Variants in CHODL observed in about 807,000 individuals in gnomAD.
CHODL encodes transmembrane protein MT75.
CHODL carries 29 observed loss-of-function variants against 34.5 expected under a neutral mutation model. The observed-to-expected ratio is 0.84, with a 90% confidence interval of 0.63 to 1.15. The LOEUF (loss-of-function observed/expected upper bound fraction) is 1.15, where lower values mean the gene tolerates loss of function less well. Ranked by LOEUF, CHODL falls within the 50% of genes most tolerant of loss-of-function variation. The pLI is 0.00. For synonymous variants in CHODL, 125 were observed against 116.1 expected (o/e 1.08, Z -0.49); for missense variants, 332 against 332.5 (o/e 1.00, Z 0.01).
chr21:18,232,328 A>C (rs1297336771), intron 2 of CHODL, among the ~76,000 whole-genome samples: 1 of 152,106 alleles, frequency 6.6e-6, no homozygotes, highest in Non-Finnish European at 1.5e-5. Flanking sequence ...AAAATATCAT[A>C]ACCTGGGTCA....
At chr21:18,253,738 G>T (rs1052590137) in intron 1 of CHODL, among the ~76,000 whole-genome samples, 3 of 152,088 alleles carry the variant, frequency 2.0e-5, no homozygotes, top group African/African-American at 7.2e-5. Flanking sequence ...TTTTCAGGCT[G>T]ATTTGTCCTC....
intron 2 of CHODL, among the ~76,000 whole-genome samples, chr21:18,110,229 A>G (rs1004212078): frequency 1.3e-5 from 2 of 152,156 alleles, no homozygotes. Flanking sequence ...GCCTCATATC[A>G]TGTGTTTTTA....
At position 18,106,860 on chromosome 21, in the gene CHODL, G is replaced by A. The variant is rs183072547; in HGVS notation, c.-45+78889G>A. On this transcript the variant is annotated intron_variant, in intron 2 of 6. Coordinates refer to the CHODL transcript ENST00000400127. Reference sequence around the variant, plus strand: ...CACTAGGAGTTAGAACACCAAAGGAGTCTTGGTTTATCTGCCATATACCAG... The same window carrying A: ...CACTAGGAGTTAGAACACCAAAGGAATCTTGGTTTATCTGCCATATACCAG... 1.5e-3 allele frequency among the ~76,000 whole-genome samples: 236 copies of A among 152,274 alleles called. 1 individual carries two copies. The highest frequency in any genetic ancestry group is 5.6e-3 in the African/African-American group (232 of 41,566).
intron 2 of CHODL, among the ~76,000 whole-genome samples, chr21:18,068,171 G>A (rs866214583): frequency 2.0e-5 from 3 of 151,678 alleles, no homozygotes; most frequent in Middle Eastern, 6.8e-3. Context: ...TTCTATTCAA[G>A]AGCAAACTTC....
intron 1 of CHODL, among the ~76,000 whole-genome samples, chr21:18,016,547 T>C (rs1371243077): frequency 6.6e-6 from 1 of 151,744 alleles, no homozygotes; most frequent in African/African-American, 2.4e-5. Flanking sequence ...AGGACACTGC[T>C]ACCTGCAGGG....
chr21:18,173,803 A>G lies in CHODL; in HGVS notation c.-44-82706A>G, dbSNP rs140155355. On this transcript the variant is annotated intron_variant, in intron 2 of 6. Transcript: ENST00000400127. ...GGGTTATTTTCTCAGAGTGTTTTAT[A>G]TGAGGAGCAATGTTGAGCTTCACAG... Among the ~76,000 whole-genome samples, 19 of 152,006 alleles carry G rather than the reference A, an allele frequency of 1.2e-4. No homozygotes were observed. In the East Asian group the frequency reaches 3.3e-3, roughly 26 times the overall value.
chr21:18,182,593 T>G (rs1209144300), intron 2 of CHODL, among the ~76,000 whole-genome samples: 1 of 152,216 alleles, frequency 6.6e-6, no homozygotes, highest in African/African-American at 2.4e-5. Context: ...CTTTGCTTTT[T>G]ATGATTTTAT....
chr21:18,226,528 A>C (rs1328708356), intron 2 of CHODL, among the ~76,000 whole-genome samples: 1 of 151,956 alleles, frequency 6.6e-6, no homozygotes, highest in Non-Finnish European at 1.5e-5. Flanking sequence ...TGAACTTGTG[A>C]CCTCAATTGG....
intron 2 of CHODL, among the ~76,000 whole-genome samples, chr21:18,112,533 A>C (rs1208170068): frequency 1.3e-5 from 2 of 152,196 alleles, no homozygotes; most frequent in African/African-American, 4.8e-5. Flanking sequence ...AGCTATAGTA[A>C]CCAAAACAGC....
intron 2 of CHODL, among the ~76,000 whole-genome samples, chr21:18,038,392 A>G (rs1025197730): frequency 6.6e-6 from 1 of 151,752 alleles, no homozygotes; most frequent in Non-Finnish European, 1.5e-5. Flanking sequence ...GAGAAGTGGT[A>G]ATTATGAAAG....
chr21:18,173,613 T>TATTGATTACACAA (rs2073257561), intron 2 of CHODL, among the ~76,000 whole-genome samples: 2 of 152,172 alleles, frequency 1.3e-5, no homozygotes, highest in Non-Finnish European at 1.5e-5. Context: ...GGGGATTTGC[T>TATTGATTACACAA]ATTGATTACA....
chr21:18,174,161 A>ATATATATATATCTTGGTATATAT (rs2073276201), intron 2 of CHODL, among the ~76,000 whole-genome samples: 5 of 85,660 alleles, frequency 5.8e-5, no homozygotes, highest in Admixed American at 1.2e-4. Flanking sequence ...ATATATATAT[A>ATATATATATATCTTGGTATATAT]AAATCAAGTC....
chr21:18,231,334 A>G (rs2073976807), intron 2 of CHODL, among the ~76,000 whole-genome samples: 1 of 152,144 alleles, frequency 6.6e-6, no homozygotes, highest in Non-Finnish European at 1.5e-5. Flanking sequence ...TTTATTTTAT[A>G]ACCTATTCAG....
At chr21:18,130,555 C>A (rs2072642623) in intron 2 of CHODL, among the ~76,000 whole-genome samples, 1 of 151,924 alleles carries the variant, frequency 6.6e-6, no homozygotes, top group Non-Finnish European at 1.5e-5. Flanking sequence ...ACAGTGCACC[C>A]TTAAATGACA....
chr21:18,127,828 C>T (rs1485177664), intron 2 of CHODL, among the ~76,000 whole-genome samples: 1 of 151,784 alleles, frequency 6.6e-6, no homozygotes, highest in Non-Finnish European at 1.5e-5. Context: ...GCCTGGCTCT[C>T]ATCTATCTTG....
At chr21:17,932,128 A>G (rs1336191667) in intron 1 of CHODL, among the ~76,000 whole-genome samples, 1 of 152,174 alleles carries the variant, frequency 6.6e-6, no homozygotes, top group Non-Finnish European at 1.5e-5. Flanking sequence ...ACAAACAACC[A>G]TATTAAAAAG....
intron 2 of CHODL, among the ~76,000 whole-genome samples, chr21:18,049,270 G>T (rs1174927956): frequency 6.6e-6 from 1 of 151,938 alleles, no homozygotes; most frequent in Admixed American, 6.6e-5. Context: ...AAAATAGATA[G>T]ATGTTTGACA....
At chr21:18,074,668 T>C (rs1204631301) in intron 2 of CHODL, among the ~76,000 whole-genome samples, 2 of 152,182 alleles carry the variant, frequency 1.3e-5, no homozygotes, top group African/African-American at 4.8e-5. Context: ...ACTTTTTTCT[T>C]CCACATTCTG....
At chr21:18,002,025 TGC>T (rs2063911907) in intron 1 of CHODL, among the ~76,000 whole-genome samples, 1 of 152,228 alleles carries the variant, frequency 6.6e-6, no homozygotes, top group Non-Finnish European at 1.5e-5. Flanking sequence ...TGTTTATTGC[TGC>T]CCGTGTTTGT....
Sources: gnomAD v4.1 joint callset for allele counts (sites outside exome capture counted in the v4.1 genomes callset) on GRCh38, gnomAD v4.1.1 for gene constraint, MANE v1.5 for transcripts, NCBI Gene and HGNC (gene_info 2026-07-23, HGNC 2026-07-21) for gene names.